Variants in GSTCD observed in about 807,000 individuals in gnomAD.
The protein encoded by GSTCD is glutathione S-transferase C-terminal domain containing.
GSTCD carries 44 observed loss-of-function variants against 68.3 expected under a neutral mutation model. The observed-to-expected ratio is 0.64, with a 90% CI of 0.51 to 0.83. The LOEUF is 0.83. GSTCD is among the 40% of genes least tolerant of loss of function. GSTCD has a pLI of 0.00. For synonymous variants in GSTCD, 273 were observed against 255.2 expected (o/e 1.07, Z -0.67); for missense variants, 739 against 735.9 (o/e 1.00, Z -0.05).
intron 5 of GSTCD, among the ~76,000 whole-genome samples, chr4:105,811,967 CAT>C (rs751368657): frequency 3.9e-5 from 6 of 152,232 alleles, no homozygotes; most frequent in South Asian, 2.1e-4. Context: ...AGTTTTTGGA[CAT>C]GTTTGGCTTG....
intron 5 of GSTCD, among the ~76,000 whole-genome samples, chr4:105,781,683 A>G (rs1735278385): frequency 6.6e-6 from 1 of 152,194 alleles, no homozygotes; most frequent in Non-Finnish European, 1.5e-5. Flanking sequence ...TAAGGGAAGG[A>G]AGAATTAAAA....
intron 8 of GSTCD, among the ~76,000 whole-genome samples, chr4:105,826,693 A>G (rs917957772): frequency 2.0e-5 from 3 of 152,038 alleles, no homozygotes; most frequent in Admixed American, 6.6e-5. Context: ...CTACTTTTTA[A>G]TCATACTTTT....
intron 4 of GSTCD, among the ~76,000 whole-genome samples, chr4:105,727,322 G>C (rs1355343750): frequency 6.6e-6 from 1 of 151,742 alleles, no homozygotes; most frequent in Non-Finnish European, 1.5e-5. Context: ...TCAGGAGTTC[G>C]AGACCAGTCT....
intron 1 of GSTCD, among the ~76,000 whole-genome samples, chr4:105,717,047 C>A (rs1266367211): frequency 6.6e-6 from 1 of 152,074 alleles, no homozygotes; most frequent in Non-Finnish European, 1.5e-5. Flanking sequence ...AGATAGCTAT[C>A]AGTATCCATG....
At chr4:105,728,460 C>G (rs1200325936) in intron 4 of GSTCD, among the ~76,000 whole-genome samples, 4 of 152,060 alleles carry the variant, frequency 2.6e-5, no homozygotes, top group Non-Finnish European at 4.4e-5. Flanking sequence ...GGAGGCAAAT[C>G]AGTGCTCTGG....
chr4:105,721,412 A>G (rs1732854488), intron 3 of GSTCD, among the ~76,000 whole-genome samples: 1 of 152,196 alleles, frequency 6.6e-6, no homozygotes, highest in South Asian at 2.1e-4. Context: ...ATCAGGATCA[A>G]GTTCAACATC....
intron 5 of GSTCD, among the ~76,000 whole-genome samples, chr4:105,812,556 CA>C (rs1578497006): frequency 6.6e-6 from 1 of 152,026 alleles, no homozygotes; most frequent in Non-Finnish European, 1.5e-5. Context: ...AAAGTCTAAA[CA>C]GTGAAGACAT....
At chr4:105,817,020 AT>A (rs1030640243) in intron 5 of GSTCD, among the ~76,000 whole-genome samples, 89 of 152,108 alleles carry the variant, frequency 5.9e-4, no homozygotes, top group African/African-American at 2.1e-3. Context: ...AGTATCCATC[AT>A]TTTAGGAACT....
chr4:105,716,055 G>A (rs912871813), intron 1 of GSTCD, among the ~76,000 whole-genome samples: 4 of 152,076 alleles, frequency 2.6e-5, no homozygotes, highest in African/African-American at 9.7e-5. Context: ...TAACCAGTAT[G>A]TATATTTATC....
chr4:105,762,871 T>G (rs1384405565), intron 5 of GSTCD, among the ~76,000 whole-genome samples: 1 of 152,202 alleles, frequency 6.6e-6, no homozygotes, highest in Non-Finnish European at 1.5e-5. Flanking sequence ...AAAGGTCAGT[T>G]AGTCCAGCTG....
intron 9 of GSTCD, among the ~76,000 whole-genome samples, chr4:105,835,444 G>A (rs1458298246): frequency 6.6e-6 from 1 of 152,170 alleles, no homozygotes; most frequent in Non-Finnish European, 1.5e-5. Context: ...CAGCTTGGGT[G>A]CTGGCTCCCT....
At chr4:105,755,275 G>A (rs1734147432) in intron 5 of GSTCD, among the ~76,000 whole-genome samples, 1 of 151,026 alleles carries the variant, frequency 6.6e-6, no homozygotes, top group South Asian at 2.1e-4. Context: ...GAAGGAAGGA[G>A]AGAGGGCAAC....
intron 5 of GSTCD, among the ~76,000 whole-genome samples, chr4:105,795,226 T>A (rs1735836770): frequency 6.6e-6 from 1 of 152,074 alleles, no homozygotes; most frequent in Admixed American, 6.5e-5. Context: ...TGTTTATTTT[T>A]CCATGCTTCT....
chr4:105,816,744 T>G (rs967674953), intron 5 of GSTCD, among the ~76,000 whole-genome samples: 5 of 152,058 alleles, frequency 3.3e-5, no homozygotes. Flanking sequence ...TAAAAGCATC[T>G]GTTTAAGACA....
At chr4:105,767,868 G>A (rs1050065069) in intron 5 of GSTCD, among the ~76,000 whole-genome samples, 1 of 152,094 alleles carries the variant, frequency 6.6e-6, no homozygotes, top group African/African-American at 2.4e-5. Context: ...TGGGGTTAGG[G>A]AGGGTCAGTC....
chr4:105,758,416 A>T (rs1734275876), intron 5 of GSTCD, among the ~76,000 whole-genome samples: 1 of 152,142 alleles, frequency 6.6e-6, no homozygotes, highest in Non-Finnish European at 1.5e-5. Flanking sequence ...CTGTCTTCAC[A>T]CTAGTGAGTT....
intron 5 of GSTCD, among the ~76,000 whole-genome samples, chr4:105,799,674 T>A (rs1292526613): frequency 2.6e-5 from 4 of 152,074 alleles, no homozygotes; most frequent in Non-Finnish European, 5.9e-5. Context: ...ACAACAAAGA[T>A]CACTTATCAC....
At chr4:105,743,763 G>C (rs887594490) in intron 5 of GSTCD, among the ~76,000 whole-genome samples, 4 of 143,504 alleles carry the variant, frequency 2.8e-5, no homozygotes, top group Non-Finnish European at 1.5e-5. Flanking sequence ...GATTCACGCT[G>C]TTCTCCTGCC....
chr4:105,763,032 C>G (rs1426279878), intron 5 of GSTCD, among the ~76,000 whole-genome samples: 1 of 152,168 alleles, frequency 6.6e-6, no homozygotes, highest in African/African-American at 2.4e-5. Context: ...ACAAGACACA[C>G]ATTAGGAACC....
Sources: allele counts gnomAD v4.1 joint callset (sites outside exome capture counted in the v4.1 genomes callset), GRCh38; gene constraint gnomAD v4.1.1; transcripts MANE v1.5; gene names NCBI Gene and HGNC (gene_info 2026-07-23, HGNC 2026-07-21).